The following NEFM variants were observed in gnomAD, a reference collection of about 807,000 sequenced individuals.
NEFM encodes neurofilament medium polypeptide.
Under a neutral mutation model 48.1 loss-of-function variants are expected in NEFM, and 16 were observed. The ratio of observed to expected loss-of-function variants is 0.33; its 90% CI spans 0.23 to 0.51. The LOEUF is 0.51. Among genes scored for constraint, NEFM ranks in the 20% least tolerant of loss-of-function variants. NEFM has a pLI of 0.98. For missense variants in NEFM, 1,107 were observed against 1,136.0 expected (o/e 0.97, Z 0.37); for synonymous variants, 465 against 456.9 (o/e 1.02, Z -0.23).
In NEFM at chr8:24,914,493, C is replaced by G; in HGVS notation, c.700C>G (p.Leu234Val). The change falls in exon 1 of 3, where the codon CTG (leucine) becomes GTG (valine). Residue 234 changes from leucine to valine, a missense_variant. Around this residue, in one of 3 missense-constraint regions of NEFM, gnomAD observed 917 missense variants for 916.4 expected, o/e 1.00. Coordinates refer to ENST00000221166, the MANE Select transcript of NEFM (RefSeq NM_005382.2). ...VQSLQDEVAF[L>V]RSNHEEEVAD... ...GTCGCTGCAGGATGAGGTGGCCTTCCTGCGGAGCAACCACGAGGAGGAGGT... is the reference window on the plus strand; with the variant it reads ...GTCGCTGCAGGATGAGGTGGCCTTCGTGCGGAGCAACCACGAGGAGGAGGT... 1 of 1,614,056 alleles carries G rather than the reference C, an allele frequency of 6.2e-7. No individual in the cohort carries two copies. Among genetic ancestry groups the G allele is most frequent in the Non-Finnish European group, 8.5e-7 (1 of 1,180,032 alleles).
chr8:24,915,204 T>A, intron 1 of NEFM: 1 of 1,296,296 alleles, frequency 7.7e-7, no homozygotes, highest in Non-Finnish European at 9.8e-7. Flanking sequence ...GGATAGCTTA[T>A]GCAGAAACGC....
chr8:24,914,342 C>A lies in NEFM; in HGVS notation c.549C>A (p.His183Gln). 1 of 1,613,662 alleles carries A rather than the reference C, an allele frequency of 6.2e-7. No homozygotes were observed. ...CGGACCACCTGGAGGAAGACATCCA[C>A]CGGCTCAAGGAGCGCTTTGAGGAGG... ...LDSDHLEEDI[H>Q]RLKERFEEEA... The change falls in exon 1 of 3, where the codon CAC becomes CAA. Residue 183 changes from histidine (H) to glutamine (Q), a missense_variant. Coordinates refer to ENST00000221166, the MANE Select transcript of NEFM (RefSeq NM_005382.2).
intron 1 of NEFM, 52 bp downstream of exon 1, chr8:24,914,925 C>G: frequency 1.3e-6 from 2 of 1,538,046 alleles, no homozygotes; most frequent in Non-Finnish European, 1.7e-6. Context: ...CGCCGCGCGC[C>G]CCCGACACTT....
rs752093557 is a variant in NEFM at position 24,914,779 on chromosome 8, T to C, written c.986T>C (p.Ile329Thr). Residue 329 changes from isoleucine (I) to threonine (T), a missense_variant, in exon 1 of 3, where the codon ATC becomes ACC. Coordinates refer to ENST00000221166, the MANE Select transcript of NEFM (RefSeq NM_005382.2). The stretch of plus-strand genomic sequence containing the variant: ...CGGCGCCAGCTGCAGTCCAAGAGCA[T>C]CGAGCTAGAGTCGGTGCGCGGCACC... ...EYRRQLQSKS[I>T]ELESVRGTKE... The C allele has an allele frequency of 6.2e-7, 1 of 1,610,252 alleles. No homozygotes were observed. The highest frequency in any genetic ancestry group is 1.1e-5 in the South Asian group (1 of 90,616).
At position 24,914,649 on chromosome 8, in the gene NEFM, C is replaced by A; in HGVS notation, c.856C>A (p.His286Asn). ...QLESHSDQNMHQAEEWFKCRY... is the reference protein window; with the variant it reads ...QLESHSDQNMNQAEEWFKCRY... ...CGAAAGCCACTCAGACCAGAATATG[C>A]ACCAGGCCGAAGAGTGGTTCAAATG... Residue 286 changes from histidine (H) to asparagine (N), a missense_variant, in exon 1 of 3, where the codon CAC becomes AAC. Transcript: ENST00000221166. 6.2e-7 allele frequency: 1 copy of A among 1,614,232 alleles called. No homozygotes were observed.
At chr8:24,914,909 C>A (rs1802549996) in intron 1 of NEFM, 36 bp downstream of exon 1, 5 of 1,545,482 alleles carry the variant, frequency 3.2e-6, no homozygotes, top group African/African-American at 1.4e-5. Context: ...CCTGCGCCAG[C>A]GCCAGCGCCG....
In NEFM at chr8:24,915,660, G is replaced by A. The variant is rs759465720; in HGVS notation, c.1136G>A (p.Arg379His). 1.2e-5 allele frequency: 20 copies of A among 1,613,952 alleles called. No homozygotes were observed. The highest frequency in any genetic ancestry group is 1.5e-5 in the Non-Finnish European group (18 of 1,180,022). ...CGGGGCACAAAGTGGGAAATGGCTC[G>A]TCATTTGCGCGAATACCAGGACCTC... ...ELRGTKWEMA[R>H]HLREYQDLLN... Residue 379 changes from arginine to histidine, a missense_variant, in exon 2 of 3, where the codon CGT becomes CAT. Arg to His is a conservative substitution (Grantham distance 29, BLOSUM62 0). Coordinates refer to ENST00000221166, the MANE Select transcript of NEFM (RefSeq NM_005382.2).
chr8:24,914,320 A>G lies in NEFM; in HGVS notation c.527A>G (p.Asp176Gly), dbSNP rs1316795541. The change falls in exon 1 of 3, where the codon GAC becomes GGC. Residue 176 changes from aspartate (D) to glycine (G), a missense_variant. Physicochemically the swap from Asp to Gly is moderately conservative, Grantham distance 94. Coordinates refer to ENST00000221166, the MANE Select transcript of NEFM (RefSeq NM_005382.2). ...HEKAQVQLDS[D>G]HLEEDIHRLK... is the part of the protein sequence containing the mutation. ...AAGGCTCAGGTGCAGCTGGACTCGGACCACCTGGAGGAAGACATCCACCGG... is the reference window on the plus strand; with the variant it reads ...AAGGCTCAGGTGCAGCTGGACTCGGGCCACCTGGAGGAAGACATCCACCGG... The G allele has an allele frequency of 6.2e-7, 1 of 1,613,552 alleles. No homozygotes were observed. The highest frequency in any genetic ancestry group is 2.2e-5 in the East Asian group (1 of 44,864).
rs777114933 is a variant in NEFM at position 24,914,015 on chromosome 8, C to T, written c.222C>T (p.Ser74=). The change falls in exon 1 of 3, where the codon AGC becomes AGT. Residue 74 remains serine, a synonymous_variant. Transcript: ENST00000221166. ...SSAMLSSAES[S]LDFSQSSSLL... Reference sequence around the variant, plus strand: ...CCATGCTCAGCTCCGCCGAGAGCAGCCTTGACTTCAGCCAGTCCTCGTCCC... The same window carrying T: ...CCATGCTCAGCTCCGCCGAGAGCAGTCTTGACTTCAGCCAGTCCTCGTCCC... 14 of 1,612,512 alleles carry T rather than the reference C, an allele frequency of 8.7e-6. No individual in the cohort carries two copies. Among genetic ancestry groups the T allele is most frequent in the African/African-American group, 1.3e-5 (1 of 75,068 alleles).
chr8:24,918,521 C>G lies in NEFM; in HGVS notation c.2666C>G (p.Thr889Ser). The G allele has an allele frequency of 9.3e-6, 15 of 1,613,930 alleles. No individual in the cohort carries two copies. The highest frequency in any genetic ancestry group is 1.3e-5 in the African/African-American group (1 of 75,008). ...VTQKVEEHEETFEEKLVSTKK... is the reference protein window; with the variant it reads ...VTQKVEEHEESFEEKLVSTKK... ...CAAAAGGTTGAAGAGCATGAAGAGA[C>G]CTTTGAGGAGAAACTAGTGTCTACT... Residue 889 changes from threonine (T) to serine (S), a missense_variant, in exon 3 of 3, where the codon ACC (threonine) becomes AGC (serine). By Grantham distance (58) the Thr-to-Ser change is moderately conservative. Around this residue, in one of 3 missense-constraint regions of NEFM, gnomAD observed 917 missense variants for 916.4 expected, o/e 1.00. Transcript: ENST00000221166.
In NEFM at chr8:24,914,133, G is replaced by A. The variant is rs143225915; in HGVS notation, c.340G>A (p.Gly114Ser). Residue 114 changes from glycine (G) to serine (S), a missense_variant, in exon 1 of 3, where the codon GGC (glycine) becomes AGC (serine). Transcript: ENST00000221166. ...QLQGLNDRFA[G>S]YIEKVHYLEQ... ...GCAGGGGCTGAACGACCGCTTTGCC[G>A]GCTACATAGAGAAGGTGCACTACCT... 2 of 1,612,910 alleles carry A rather than the reference G, an allele frequency of 1.2e-6. No individual in the cohort carries two copies. The highest frequency in any genetic ancestry group is 1.3e-5 in the African/African-American group (1 of 74,942).
chr8:24,916,710 G>A (rs1209453458), intron 2 of NEFM, among the ~76,000 whole-genome samples: 4 of 151,836 alleles, frequency 2.6e-5, no homozygotes, highest in Non-Finnish European at 5.9e-5. Flanking sequence ...TTTTGTTTTT[G>A]TTTTTTGCTA....
chr8:24,915,402 C>T, intron 1 of NEFM: 1 of 1,040,758 alleles, frequency 9.6e-7, no homozygotes, highest in Non-Finnish European at 1.3e-6. Context: ...TATTGTCTTA[C>T]TGATCTTGTA....
In NEFM at chr8:24,917,048, A is replaced by AT; in HGVS notation, c.1206-9dup. 1 of 1,613,310 alleles carries AT rather than the reference A, an allele frequency of 6.2e-7. No individual in the cohort carries two copies. Among genetic ancestry groups the AT allele is most frequent in the Non-Finnish European group, 8.5e-7 (1 of 1,179,260 alleles). ...TTTTTACTATGTCTTATGTTCTTGG[A>AT]TTTTCTCCTTAGAAAACTCCTGGAG... On this transcript the variant is annotated splice_polypyrimidine_tract_variant and intron_variant, in intron 2 of 2. Transcript: ENST00000221166.
intron 2 of NEFM, among the ~76,000 whole-genome samples, chr8:24,916,180 G>C (rs1297594906): frequency 6.6e-6 from 1 of 152,068 alleles, no homozygotes; most frequent in Non-Finnish European, 1.5e-5. Context: ...GCTGAGAATA[G>C]ATATAGAATG....
At position 24,914,856 on chromosome 8, in the gene NEFM, G is replaced by T; in HGVS notation, c.1063G>T (p.Asp355Tyr). 1 of 1,594,436 alleles carries T rather than the reference G, an allele frequency of 6.3e-7. No individual in the cohort carries two copies. The highest frequency in any genetic ancestry group is 8.5e-7 in the Non-Finnish European group (1 of 1,171,976). ...CGACATCGAGGAGCGCCACAACCAC[G>T]ACCTCAGCAGCTACCAGGTAGGAAC... ...LSDIEERHNHDLSSYQDTIQQ... is the reference protein window; with the variant it reads ...LSDIEERHNHYLSSYQDTIQQ... The change falls in exon 1 of 3, where the codon GAC becomes TAC. Residue 355 changes from aspartate to tyrosine, a missense_variant. This residue lies in a region of NEFM where 917 missense variants were observed against 916.4 expected (regional missense o/e 1.00). Coordinates refer to ENST00000221166, the MANE Select transcript of NEFM (RefSeq NM_005382.2).
At position 24,918,821 on chromosome 8, in the gene NEFM, G is replaced by T. The variant is rs772266189; in HGVS notation, c.*215G>T. 5.2e-6 allele frequency: 3 copies of T among 577,988 alleles called. No homozygotes were observed. The highest frequency in any genetic ancestry group is 9.2e-6 in the Non-Finnish European group (3 of 324,872). The allele number at this position is 577,988 out of a possible 1,614,324, so 35.8% of individuals were successfully genotyped here. On this transcript the variant is annotated 3_prime_UTR_variant, in exon 3 of 3. Transcript: ENST00000221166. ...ATTGTATGTACCTGGGAAATTTGCC[G>T]ATTTCCTAAGCTGTTGGAAGGGGGT...
chr8:24,915,450 G>T (rs1459636182), intron 1 of NEFM, among the ~76,000 whole-genome samples, 155 bp from the exon 2 acceptor site: 3 of 151,964 alleles, frequency 2.0e-5, no homozygotes, highest in Admixed American at 6.6e-5. Flanking sequence ...AAAGAAAAAG[G>T]GGGTGGGACG....
chr8:24,918,289 GT>G lies in NEFM; in HGVS notation c.2435del (p.Val812GlufsTer23). The G allele has an allele frequency of 6.2e-7, 1 of 1,609,118 alleles. No individual in the cohort carries two copies. The highest frequency in any genetic ancestry group is 8.5e-7 in the Non-Finnish European group (1 of 1,177,408). The part of the protein sequence containing the change: ...VNGEVEGKEE[V>X]EQETKEKGSG... The stretch of plus-strand genomic sequence containing the variant: ...TGGGGAGGTAGAAGGAAAAGAGGAG[GT>G]AGAGCAGGAGACCAAGGAAAAAGGC... On this transcript the variant is annotated frameshift_variant, in exon 3 of 3. Coordinates refer to ENST00000221166, the MANE Select transcript of NEFM (RefSeq NM_005382.2). LOFTEE classifies it high-confidence loss of function.
Sources: allele counts gnomAD v4.1 joint callset (sites outside exome capture counted in the v4.1 genomes callset), GRCh38; gene constraint gnomAD v4.1.1; regional missense constraint gnomAD v4.1.1; transcripts MANE v1.5; gene names NCBI Gene and HGNC (gene_info 2026-07-23, HGNC 2026-07-21).